The following GRHL3 variants were observed in gnomAD, a reference collection of about 807,000 sequenced individuals.
The protein encoded by GRHL3 is grainyhead like transcription factor 3.
A neutral mutation model predicts 70.3 loss-of-function variants in GRHL3; 20 were observed. The observed-to-expected ratio is 0.28, with a 90% CI of 0.20 to 0.41. GRHL3 has a LOEUF of 0.41. GRHL3 is among the 10% of genes least tolerant of loss of function. The pLI, the probability that GRHL3 is intolerant of heterozygous loss-of-function variation, is 1.00. For missense variants in GRHL3, 637 were observed against 762.3 expected, an observed-to-expected ratio of 0.84 and a Z score of 1.94; for synonymous variants, 299 against 299.9, an observed-to-expected ratio of 1.00 and a Z score of 0.03.
intron 1 of GRHL3, 63 bp from the exon 2 acceptor site, chr1:24,331,363 G>A: frequency 1.4e-6 from 2 of 1,452,034 alleles, no homozygotes; most frequent in African/African-American, 1.4e-5. Flanking sequence ...TTGGCCTGCG[G>A]CTGCCCATTC....
At chr1:24,355,898 CTTT>C (rs59310312), downstream of GRHL3, among the ~76,000 whole-genome samples, 38 of 144,756 alleles carry the variant, frequency 2.6e-4, no homozygotes, top group African/African-American at 4.9e-4. Context: ...TTTCATTTAT[CTTT>C]TTTTTTTTTT....
intron 15 of GRHL3, among the ~76,000 whole-genome samples, chr1:24,362,780 T>C (rs1037610700): frequency 1.3e-5 from 2 of 152,192 alleles, no homozygotes; most frequent in African/African-American, 4.8e-5. Flanking sequence ...ATAAATGTGC[T>C]TGGGCTCACA....
chr1:24,341,133 G>A lies in GRHL3; in HGVS notation c.1048-982G>A, dbSNP rs7552472. Among the ~76,000 whole-genome samples, 581 of 152,208 alleles carry A rather than the reference G, an allele frequency of 3.8e-3. 4 individuals are homozygous for A. Among genetic ancestry groups the A allele is most frequent in the African/African-American group, 0.013 (544 of 41,508 alleles). On this transcript the variant is annotated intron_variant, in intron 8 of 15. Coordinates refer to ENST00000361548, the MANE Select transcript of GRHL3 (RefSeq NM_198173.3). ...GGGGCCAGCCTGCGTCGGGGGGACC[G>A]GGGTTCCCATGGAGCCCCAGAGGAG...
chr1:24,319,529 C>A lies in GRHL3; in HGVS notation c.-23C>A. 1 of 1,609,854 alleles carries A rather than the reference C, an allele frequency of 6.2e-7. No homozygotes were observed. The highest frequency in any genetic ancestry group is 8.5e-7 in the Non-Finnish European group (1 of 1,176,214). ...CGGTCAGCAGAGCCTCAGTGCTGAT[C>A]GTCGGAGCTTGGGAGCAGGAAGATG... On this transcript the variant is annotated 5_prime_UTR_variant, in exon 1 of 16. Coordinates refer to ENST00000361548, the MANE Select transcript of GRHL3 (RefSeq NM_198173.3).
In GRHL3 at chr1:24,342,405, TCTC is replaced by T; in HGVS notation, c.1206+140_1206+142del. On this transcript the variant is annotated intron_variant, in intron 9 of 15. Coordinates refer to ENST00000361548, the MANE Select transcript of GRHL3 (RefSeq NM_198173.3). This position sits in a 1 kb window ranked among gnomAD's most constrained non-coding sequence, Gnocchi z 4.8. ...TTTCTATCCCTTCTCCTCCTTCCCC[TCTC>T]CTCCTCCACCCCCACTCCTCCATCT... 2.7e-6 allele frequency: 2 copies of T among 739,174 alleles called. No homozygotes were observed. The highest frequency in any genetic ancestry group is 4.4e-6 in the Non-Finnish European group (2 of 452,448). 45.8% of individuals were successfully genotyped at this position (739,174 alleles called of 1,614,324 possible).
chr1:24,323,335 G>A (rs532365089), intron 1 of GRHL3, among the ~76,000 whole-genome samples: 18 of 152,234 alleles, frequency 1.2e-4, no homozygotes, highest in African/African-American at 4.3e-4. Flanking sequence ...ATCAGAAACT[G>A]GGGGTATGGC....
In GRHL3 at chr1:24,342,034, C is replaced by G; in HGVS notation, c.1048-81C>G. 7.4e-7 allele frequency: 1 copy of G among 1,347,166 alleles called. No homozygotes were observed. Among genetic ancestry groups the G allele is most frequent in the Non-Finnish European group, 1.0e-6 (1 of 993,064 alleles). The allele number at this position is 1,347,166 out of a possible 1,614,324, so 83.5% of individuals were successfully genotyped here. ...GGGTGAGCAGCAGGCACACAGAAAG[C>G]TAGAAATACAGGATCACTGTGGGAC... On this transcript the variant is annotated intron_variant, in intron 8 of 15. Coordinates refer to ENST00000361548, the MANE Select transcript of GRHL3 (RefSeq NM_198173.3). This position sits in a 1 kb window ranked among gnomAD's most constrained non-coding sequence, Gnocchi z 4.8.
At chr1:24,336,948 C>T (rs1031669784) in intron 4 of GRHL3, 121 bp downstream of exon 4, 35 of 1,204,808 alleles carry the variant, frequency 2.9e-5, no homozygotes, top group South Asian at 6.9e-5. Context: ...AGAGCTGAGA[C>T]GGGATTGCCA....
intron 1 of GRHL3, among the ~76,000 whole-genome samples, chr1:24,330,748 G>A (rs1236005850): frequency 1.3e-5 from 2 of 152,160 alleles, no homozygotes; most frequent in Non-Finnish European, 2.9e-5. Context: ...TCTCTTGAGC[G>A]AGATAATGCC....
At chr1:24,333,071 C>T (rs774252512) in intron 2 of GRHL3, among the ~76,000 whole-genome samples, 60 of 152,248 alleles carry the variant, frequency 3.9e-4, no homozygotes, top group Admixed American at 1.3e-4. Flanking sequence ...AATCCAACTC[C>T]TTGTCCCCTT....
chr1:24,350,011 AT>A (rs1276523302), intron 14 of GRHL3, 46 bp from the exon 15 acceptor site: 3 of 1,454,426 alleles, frequency 2.1e-6, no homozygotes, highest in Admixed American at 3.5e-5. Context: ...ACTTGTATAA[AT>A]CTAGCGTGGG....
At chr1:24,349,300 C>T (rs6686133) in intron 14 of GRHL3, among the ~76,000 whole-genome samples, 44,587 of 152,096 alleles carry the variant, frequency 0.29, 9,943 homozygotes, top group African/African-American at 0.63. Flanking sequence ...TCGGATGTGA[C>T]GGAGTCAGTT....
chr1:24,337,962 G>A (rs777211774), intron 6 of GRHL3, 30 bp from the exon 7 acceptor site: 29 of 1,563,618 alleles, frequency 1.9e-5, no homozygotes, highest in South Asian at 5.9e-5. Flanking sequence ...GGAAGAGGCC[G>A]GGAGTGACTG....
At chr1:24,353,920 C>T (rs1235416672) in intron 15 of GRHL3, among the ~76,000 whole-genome samples, 2 of 152,142 alleles carry the variant, frequency 1.3e-5, no homozygotes, top group African/African-American at 4.8e-5. Flanking sequence ...TTGTGTGGCA[C>T]CTGCCTCTGG....
intron 12 of GRHL3, 90 bp from the exon 13 acceptor site, chr1:24,346,463 A>G (rs1640287983): frequency 1.2e-6 from 1 of 811,342 alleles, no homozygotes; most frequent in Non-Finnish European, 2.1e-6. Context: ...TTTCTTCCCC[A>G]TTTCTAGGGC....
rs1639092711 is a variant in GRHL3, at chr1:24,319,403, G to A, written c.-149G>A. 2.4e-6 allele frequency: 2 copies of A among 838,692 alleles called. No individual in the cohort carries two copies. The highest frequency in any genetic ancestry group is 4.1e-6 in the Non-Finnish European group (2 of 490,224). The allele number at this position is 838,692 out of a possible 1,614,324, so 52.0% of individuals were successfully genotyped here. ...TAGCCAATCAGCGCCAGCGCTGCTG[G>A]GAACCTACCTGTCAGCAAAATCTCG... On this transcript the variant is annotated 5_prime_UTR_variant, in exon 1 of 16. Transcript: ENST00000361548.
chr1:24,326,717 T>G (rs986443540), intron 1 of GRHL3, among the ~76,000 whole-genome samples: 5 of 152,332 alleles, frequency 3.3e-5, no homozygotes, highest in Middle Eastern at 3.4e-3. Context: ...TATTGCTTTT[T>G]AAATCTCTCC....
At chr1:24,323,466 T>C (rs1639282116) in intron 1 of GRHL3, among the ~76,000 whole-genome samples, 1 of 152,198 alleles carries the variant, frequency 6.6e-6, no homozygotes, top group Non-Finnish European at 1.5e-5. Flanking sequence ...AATCCACTAC[T>C]GACCTGCAGT....
At chr1:24,346,375 G>T (rs575966954) in intron 12 of GRHL3, among the ~76,000 whole-genome samples, 178 bp from the exon 13 acceptor site, 91 of 152,292 alleles carry the variant, frequency 6.0e-4, no homozygotes, top group Non-Finnish European at 1.2e-3. Context: ...GCAGGGCTGG[G>T]ATTCAAACCC....
Sources: gnomAD v4.1 joint callset for allele counts (sites outside exome capture counted in the v4.1 genomes callset) on GRCh38, gnomAD v4.1.1 for gene constraint, Gnocchi (gnomAD v3.1) non-coding constraint, MANE v1.5 for transcripts, NCBI Gene and HGNC (gene_info 2026-07-23, HGNC 2026-07-21) for gene names.